PGM2: variants seen among roughly 807,000 people sequenced by gnomAD.
PGM2 encodes phosphopentomutase.
In PGM2, 57 loss-of-function variants were observed where a neutral mutation model predicts 74.6. The observed-to-expected ratio is 0.76, with a 90% CI of 0.62 to 0.95. The LOEUF (loss-of-function observed/expected upper bound fraction) is 0.95, where lower values mean the gene tolerates loss of function less well. Ranked by LOEUF, PGM2 falls within the 40% of genes least tolerant of loss-of-function variation. PGM2 has a pLI of 0.00. For missense variants in PGM2, 706 were observed against 741.9 expected, an observed-to-expected ratio of 0.95 and a Z score of 0.56; for synonymous variants, 273 against 260.7, an observed-to-expected ratio of 1.05 and a Z score of -0.46.
At chr4:37,828,626 T>C (rs1725358306) in intron 1 of PGM2, among the ~76,000 whole-genome samples, 1 of 152,348 alleles carries the variant, frequency 6.6e-6, no homozygotes, top group Non-Finnish European at 1.5e-5. Flanking sequence ...TGACTTGTCA[T>C]TCTTACCTGT....
At chr4:37,861,442 G>GC in intron 13 of PGM2, 68 bp from the exon 14 acceptor site, 1 of 986,436 alleles carries the variant, frequency 1.0e-6, no homozygotes, top group Admixed American at 1.7e-5. Flanking sequence ...TTGGTCAATG[G>GC]GGGGAGCATT....
chr4:37,829,849 TATATATATATAC>T, intron 1 of PGM2, 103 bp from the exon 2 acceptor site: 5 of 256,204 alleles, frequency 2.0e-5, no homozygotes, highest in Non-Finnish European at 3.3e-5. Context: ...AAGGTCTACA[TATATATATATAC>T]ATATATATAT....
chr4:37,854,956 T>C (rs1195083777), intron 12 of PGM2, among the ~76,000 whole-genome samples: 2 of 152,234 alleles, frequency 1.3e-5, no homozygotes, highest in Non-Finnish European at 2.9e-5. Context: ...AATCCGATGT[T>C]TTAAAATGTA....
chr4:37,832,468 T>C (rs1725464924), intron 2 of PGM2, among the ~76,000 whole-genome samples: 1 of 152,198 alleles, frequency 6.6e-6, no homozygotes, highest in South Asian at 2.1e-4. Context: ...CATTCTGAGG[T>C]ACCCCAAAGT....
intron 10 of PGM2, 25 bp from the exon 11 acceptor site, chr4:37,848,497 G>A: frequency 1.9e-6 from 3 of 1,604,008 alleles, no homozygotes; most frequent in Non-Finnish European, 2.6e-6. Flanking sequence ...TTGTATAGAT[G>A]TATGTATGAC....
rs1235780970 is a variant in PGM2, at chr4:37,847,108, T to C, written c.1185T>C (p.Phe395=). The C allele has an allele frequency of 6.2e-7, 1 of 1,612,056 alleles. No individual in the cohort carries two copies. The highest frequency in any genetic ancestry group is 8.5e-7 in the Non-Finnish European group (1 of 1,178,350). ...RAIALKEGFH[F]EETLTGFKWM... ...TTGCCTTAAAGGAAGGTTTTCATTTTGAGGTAGGGTGTTTCTGGGACTCAC... is the reference window on the plus strand; with the variant it reads ...TTGCCTTAAAGGAAGGTTTTCATTTCGAGGTAGGGTGTTTCTGGGACTCAC... The change falls in exon 9 of 14, where the codon TTT becomes TTC. Residue 395 remains phenylalanine, a synonymous_variant. Coordinates refer to ENST00000381967, the MANE Select transcript of PGM2 (RefSeq NM_018290.4).
chr4:37,852,133 CTTTTTTTTTT>C (rs778968323), intron 12 of PGM2, among the ~76,000 whole-genome samples: 26 of 47,274 alleles, frequency 5.5e-4, no homozygotes, highest in South Asian at 1.7e-3. Context: ...ATGCCCAGCT[CTTTTTTTTTT>C]TTTTTTTTTT....
chr4:37,842,951 C>T (rs1725770814), intron 6 of PGM2, among the ~76,000 whole-genome samples: 1 of 152,164 alleles, frequency 6.6e-6, no homozygotes, highest in South Asian at 2.1e-4. Context: ...GAGTGAGCCA[C>T]TGTGCCCGGT....
chr4:37,826,746 A>G lies in PGM2; in HGVS notation c.14A>G (p.Glu5Gly), dbSNP rs370319663. The G allele has an allele frequency of 3.4e-5, 53 of 1,550,036 alleles. No individual in the cohort carries two copies. The highest frequency in any genetic ancestry group is 1.7e-4 in the Middle Eastern group (1 of 5,986). Residue 5 changes from glutamate to glycine, a missense_variant, in exon 1 of 14, where the codon GAA (glutamate) becomes GGA (glycine). Glu to Gly is a moderately conservative substitution (Grantham distance 98). This residue lies in a region of PGM2 where 332 missense variants were observed against 334.9 expected (regional missense o/e 0.99). Coordinates refer to ENST00000381967, the MANE Select transcript of PGM2 (RefSeq NM_018290.4). MAAP[E>G]GSGLGEDARL... is the part of the protein sequence containing the mutation. ...ACAAGCTCAGCGATGGCGGCTCCAG[A>G]AGGCAGCGGTCTAGGCGAGGACGCC...
intron 10 of PGM2, among the ~76,000 whole-genome samples, chr4:37,848,221 AAG>A (rs1248189001): frequency 6.6e-6 from 1 of 152,220 alleles, no homozygotes; most frequent in Non-Finnish European, 1.5e-5. Context: ...TCAGAGAAGA[AAG>A]AGATATGTAT....
intron 7 of PGM2, among the ~76,000 whole-genome samples, chr4:37,845,354 C>T (rs901262562): frequency 6.6e-6 from 1 of 152,232 alleles, no homozygotes; most frequent in African/African-American, 2.4e-5. Context: ...AACCACAGAC[C>T]TACTGGCGCA....
chr4:37,853,206 T>C (rs6531585), intron 12 of PGM2, among the ~76,000 whole-genome samples: 80,744 of 151,736 alleles, frequency 0.53, 22,113 homozygotes, highest in Non-Finnish European at 0.61. Flanking sequence ...GACATGATCA[T>C]AGCTCACTGC....
At position 37,845,683 on chromosome 4, in the gene PGM2, T is replaced by A; in HGVS notation, c.960T>A (p.Ala320=). Residue 320 remains alanine (A), a synonymous_variant, in exon 8 of 14, where the codon GCT becomes GCA. Coordinates refer to ENST00000381967, the MANE Select transcript of PGM2 (RefSeq NM_018290.4). ...AAACCAAGGCCAGAATTGTTTTAGC[T>A]AACGACCCGGATGCTGATAGACTTG... The part of the protein sequence containing the change: ...ADKTKARIVL[A]NDPDADRLAV... 6.2e-7 allele frequency: 1 copy of A among 1,613,762 alleles called. No homozygotes were observed. The highest frequency in any genetic ancestry group is 8.5e-7 in the Non-Finnish European group (1 of 1,179,658).
intron 6 of PGM2, among the ~76,000 whole-genome samples, chr4:37,840,731 T>C (rs1725686087): frequency 6.6e-6 from 1 of 152,134 alleles, no homozygotes; most frequent in Non-Finnish European, 1.5e-5. Flanking sequence ...TGGCAAACTT[T>C]TCTTAAAGGG....
At chr4:37,851,116 A>G (rs1187561890) in intron 12 of PGM2, among the ~76,000 whole-genome samples, 2 of 152,102 alleles carry the variant, frequency 1.3e-5, no homozygotes, top group Non-Finnish European at 2.9e-5. Context: ...GTGGTGGTCC[A>G]GGGAGAATCT....
At chr4:37,852,133 CTTTTTTTTTTTTTT>C (rs778968323) in intron 12 of PGM2, among the ~76,000 whole-genome samples, 10 of 47,262 alleles carry the variant, frequency 2.1e-4, no homozygotes, top group Non-Finnish European at 3.6e-4. Context: ...ATGCCCAGCT[CTTTTTTTTTTTTTT>C]TTTTTTTTTT....
intron 7 of PGM2, 44 bp from the exon 8 acceptor site, chr4:37,845,589 C>G (rs189905771): frequency 1.1e-5 from 14 of 1,308,250 alleles, no homozygotes; most frequent in Admixed American, 3.4e-5. Flanking sequence ...ATCATATGCT[C>G]GATTCTTGAT....
intron 12 of PGM2, among the ~76,000 whole-genome samples, chr4:37,853,525 T>A (rs986525725): frequency 6.6e-6 from 1 of 152,174 alleles, no homozygotes; most frequent in African/African-American, 2.4e-5. Context: ...GTCTTTTACA[T>A]GATGTCTTTC....
rs540743395 is a variant in PGM2, at chr4:37,840,044, A to C, written c.526-22A>C. On this transcript the variant is annotated intron_variant, in intron 5 of 13. Coordinates refer to ENST00000381967, the MANE Select transcript of PGM2 (RefSeq NM_018290.4). ...ATTTCCATTAACTGTAAACCTTCTG[A>C]ATGTGTTCCTGGGTCCTCTAGGTCT... is the stretch of plus-strand genomic sequence containing the variant. 235 of 1,597,814 alleles carry C rather than the reference A, an allele frequency of 1.5e-4. 1 individual carries two copies. The South Asian group carries it at 2.5e-3, about 17-fold the overall frequency.
Sources: gnomAD v4.1 joint callset for allele counts (sites outside exome capture counted in the v4.1 genomes callset) on GRCh38, gnomAD v4.1.1 for gene constraint, gnomAD v4.1.1 regional missense constraint, MANE v1.5 for transcripts, NCBI Gene and HGNC (gene_info 2026-07-23, HGNC 2026-07-21) for gene names.